The following LPA variants were observed in gnomAD, a reference collection of about 807,000 sequenced individuals.
LPA encodes the protein lipoprotein(a).
In LPA, 199 loss-of-function variants were observed where a neutral mutation model predicts 197.9. That is an observed-to-expected ratio of 1.01 (90% CI 0.90 to 1.13). LPA has a LOEUF of 1.13. LPA is among the 50% of genes most tolerant of loss of function. LPA has a pLI of 0.00. For missense variants in LPA, 1,853 were observed against 1,785.8 expected (o/e 1.04, Z -0.68); for synonymous variants, 715 against 639.5 (o/e 1.12, Z -1.78).
At chr6:160,632,011 T>C (rs1423566224) in intron 8 of LPA, among the ~76,000 whole-genome samples, 1 of 151,910 alleles carries the variant, frequency 6.6e-6, no homozygotes, top group Non-Finnish European at 1.5e-5. Flanking sequence ...TGTGTGTGTG[T>C]GTGTGTGTGT....
intron 14 of LPA, among the ~76,000 whole-genome samples, chr6:160,615,325 G>C (rs1235307307): frequency 7.3e-5 from 8 of 109,882 alleles, no homozygotes; most frequent in African/African-American, 2.3e-4. Context: ...GTTTCTGCGT[G>C]TGTGTGAGTA....
At chr6:160,552,732 C>T (rs544810961) in intron 30 of LPA, among the ~76,000 whole-genome samples, 2 of 152,272 alleles carry the variant, frequency 1.3e-5, no homozygotes, top group South Asian at 4.1e-4. Context: ...GATCTTTACA[C>T]TTAAAGAGTA....
chr6:160,564,801 A>G (rs2115018595), intron 28 of LPA, among the ~76,000 whole-genome samples: 1 of 152,212 alleles, frequency 6.6e-6, no homozygotes, highest in African/African-American at 2.4e-5. Flanking sequence ...CCACCCTAAT[A>G]TTGCACTTTT....
chr6:160,661,878 C>G (rs1250160886), intron 1 of LPA, among the ~76,000 whole-genome samples: 1 of 152,162 alleles, frequency 6.6e-6, no homozygotes. Context: ...GTGCTTCCTA[C>G]AGTGAGTTCA....
chr6:160,535,431 GGTAGTA>G (rs767544276), intron 37 of LPA, among the ~76,000 whole-genome samples: 1 of 21,230 alleles, frequency 4.7e-5, no homozygotes. Context: ...TGGTGATGGT[GGTAGTA>G]GTGGTAGTGG....
chr6:160,566,558 C>T (rs866587157), intron 28 of LPA, among the ~76,000 whole-genome samples: 4 of 152,146 alleles, frequency 2.6e-5, no homozygotes, highest in Admixed American at 6.5e-5. Flanking sequence ...TAAAAACCAT[C>T]GATGCTAGGA....
intron 28 of LPA, 52 bp from the exon 29 acceptor site, chr6:160,557,623 G>A (rs773326776): frequency 2.0e-5 from 30 of 1,488,614 alleles, no homozygotes; most frequent in Non-Finnish European, 2.8e-5. Flanking sequence ...AAATTCAGGG[G>A]CACCCAGCGC....
At chr6:160,634,892 C>G (rs7746421) in intron 7 of LPA, among the ~76,000 whole-genome samples, 44,976 of 135,584 alleles carry the variant, frequency 0.33, 11,238 homozygotes, top group African/African-American at 0.35. Context: ...TTGTGAAGCC[C>G]ATCACCCTGG....
intron 1 of LPA, 103 bp from the exon 2 acceptor site, chr6:160,650,600 C>A: frequency 8.9e-7 from 1 of 1,124,106 alleles, no homozygotes; most frequent in South Asian, 1.2e-5. Context: ...AGAATTACGA[C>A]CATTCTCTTC....
At chr6:160,586,766 C>T (rs947433081) in intron 24 of LPA, 136 bp from the exon 25 acceptor site, 5 of 1,187,808 alleles carry the variant, frequency 4.2e-6, no homozygotes, top group Non-Finnish European at 6.1e-6. Context: ...ATAACACTCA[C>T]AAATGGTCCT....
At chr6:160,648,194 A>G (rs1779938115) in intron 2 of LPA, among the ~76,000 whole-genome samples, 2 of 152,176 alleles carry the variant, frequency 1.3e-5, no homozygotes, top group African/African-American at 4.8e-5. Context: ...TGATGGGAAC[A>G]CATTAGTCAC....
At chr6:160,541,082 C>T (rs1311744843) in intron 35 of LPA, 25 bp downstream of exon 35, 2 of 1,605,786 alleles carry the variant, frequency 1.2e-6, no homozygotes, top group South Asian at 1.1e-5. Context: ...GATAAGACCC[C>T]ATGTCAGTTT....
At chr6:160,602,279 C>T (rs1179611105) in intron 18 of LPA, among the ~76,000 whole-genome samples, 1 of 151,974 alleles carries the variant, frequency 6.6e-6, no homozygotes, top group Non-Finnish European at 1.5e-5. Context: ...ATATAATATC[C>T]CTCAGAATTC....
chr6:160,635,017 C>T (rs1378829722), intron 7 of LPA, 106 bp downstream of exon 7: 3 of 1,506,936 alleles, frequency 2.0e-6, no homozygotes, highest in Non-Finnish European at 2.7e-6. Context: ...ACTCCGGCAA[C>T]ACTCGAGCAT....
intron 1 of LPA, among the ~76,000 whole-genome samples, chr6:160,650,773 T>G (rs1779991558): frequency 6.6e-6 from 1 of 152,188 alleles, no homozygotes; most frequent in South Asian, 2.1e-4. Context: ...CAAGCTCTTT[T>G]TTAGAAATCT....
intron 36 of LPA, among the ~76,000 whole-genome samples, chr6:160,539,449 T>G (rs531127939): frequency 7.2e-5 from 11 of 152,102 alleles, no homozygotes; most frequent in African/African-American, 1.7e-4. Flanking sequence ...GTGTGGGTTT[T>G]TTTTTTTTTT....
At chr6:160,547,982 G>C in intron 31 of LPA, 45 bp from the exon 32 acceptor site, 1 of 1,603,284 alleles carries the variant, frequency 6.2e-7, no homozygotes, top group Non-Finnish European at 8.5e-7. Flanking sequence ...CAGACAGCCA[G>C]GCAGCCACAT....
chr6:160,631,992 G>GAT (rs1779695326), intron 8 of LPA, among the ~76,000 whole-genome samples: 9 of 68,308 alleles, frequency 1.3e-4, no homozygotes, highest in South Asian at 1.0e-3. Context: ...TGTGTTTTCA[G>GAT]TGTGTGTGTG....
In LPA at chr6:160,653,997, T is replaced by G. The variant is rs190539855; in HGVS notation, c.50-3500A>C. ...ATAATATATAATATATAATATATAT[T>G]ATATATAATATATATTATATATAAT... On this transcript the variant is annotated intron_variant, in intron 1 of 38. Transcript: ENST00000316300. Among the ~76,000 whole-genome samples, 51 of 10,842 alleles carry G rather than the reference T, an allele frequency of 4.7e-3. 7 individuals are homozygous for G. The highest frequency in any genetic ancestry group is 0.022 in the African/African-American group (47 of 2,152). 7.1% of individuals were successfully genotyped at this position (10,842 alleles called of 152,430 possible).
Sources: allele counts gnomAD v4.1 joint callset (sites outside exome capture counted in the v4.1 genomes callset), GRCh38; gene constraint gnomAD v4.1.1; transcripts MANE v1.5; gene names NCBI Gene and HGNC (gene_info 2026-07-23, HGNC 2026-07-21).